The following MEDAG variants were observed in gnomAD, a reference collection of about 807,000 sequenced individuals.
The protein encoded by MEDAG is mesenteric estrogen-dependent adipogenesis protein.
Under a neutral mutation model 29.9 loss-of-function variants are expected in MEDAG, and 25 were observed. That is an observed-to-expected ratio of 0.84 (90% confidence interval 0.61 to 1.17). The LOEUF is 1.17. MEDAG is among the 50% of genes most tolerant of loss of function. The pLI is 0.00. For synonymous variants in MEDAG, 158 were observed against 148.2 expected, an observed-to-expected ratio of 1.07 and a Z score of -0.48; for missense variants, 398 against 372.9, an observed-to-expected ratio of 1.07 and a Z score of -0.56.
At chr13:30,917,640 G>A (rs1224421618) in intron 2 of MEDAG, 128 bp downstream of exon 2, 1 of 611,188 alleles carries the variant, frequency 1.6e-6, no homozygotes, top group Non-Finnish European at 2.9e-6. Flanking sequence ...CTTCTGGGGA[G>A]GCCTCAGGAA....
chr13:30,906,350 T>C lies in MEDAG; in HGVS notation c.-166T>C. On this transcript the variant is annotated 5_prime_UTR_variant, in exon 1 of 5. Transcript: ENST00000380482. Reference sequence around the variant, plus strand: ...CCGCCCGGGCGGTCAGACTGGCACCTGAGCGGCCACCGCGTCCCGGCCAGG... The same window carrying C: ...CCGCCCGGGCGGTCAGACTGGCACCCGAGCGGCCACCGCGTCCCGGCCAGG... The C allele has an allele frequency of 1.5e-6, 1 of 655,896 alleles. No individual in the cohort carries two copies. Among genetic ancestry groups the C allele is most frequent in the Non-Finnish European group, 2.2e-6 (1 of 449,936 alleles). The allele number at this position is 655,896 out of a possible 1,614,324, so 40.6% of individuals were successfully genotyped here.
intron 4 of MEDAG, 94 bp from the exon 5 acceptor site, chr13:30,924,217 T>TA: frequency 3.1e-6 from 4 of 1,301,892 alleles, no homozygotes; most frequent in Non-Finnish European, 4.2e-6. Context: ...TATTAATTAT[T>TA]AAAATAGTTA....
At chr13:30,911,409 C>T (rs1042735121) in intron 1 of MEDAG, among the ~76,000 whole-genome samples, 1 of 152,128 alleles carries the variant, frequency 6.6e-6, no homozygotes, top group African/African-American at 2.4e-5. Flanking sequence ...CTTGGGTCTC[C>T]TTTCTACTCT....
intron 1 of MEDAG, among the ~76,000 whole-genome samples, 158 bp downstream of exon 1, chr13:30,906,951 C>T (rs1952837130): frequency 6.6e-6 from 1 of 152,240 alleles, no homozygotes; most frequent in African/African-American, 2.4e-5. Context: ...CTTCTATCAC[C>T]CGGAGCCTGC....
Position 30,924,699 on chromosome 13 carries a change from T to C in MEDAG, c.*264T>C, listed in dbSNP as rs544308466. ...TGGCACTGGGTGGGGCTGGGGGATA[T>C]TCTCTACTTTGAACACTTCTCCAAA... On this transcript the variant is annotated 3_prime_UTR_variant, in exon 5 of 5. Transcript: ENST00000380482. The C allele has an allele frequency of 1.0e-4, 31 of 309,168 alleles. No individual in the cohort carries two copies. Among genetic ancestry groups the C allele is most frequent in the African/African-American group, 6.4e-4 (30 of 46,728 alleles). The allele number at this position is 309,168 out of a possible 1,614,324, so 19.2% of individuals were successfully genotyped here.
Position 30,917,472 on chromosome 13 carries a change from G to C in MEDAG, c.348G>C (p.Leu116Phe). Residue 116 changes from leucine to phenylalanine, a missense_variant, in exon 2 of 5, where the codon TTG (leucine) becomes TTC (phenylalanine). By Grantham distance (22) the Leu-to-Phe change is conservative. Transcript: ENST00000380482. ...AAACTATATTGAGCAAACCAATGTT[G>C]TTCTTTATTAATGTACAGACCAAAA... ...YRETILSKPM[L>F]FFINVQTKKD... The C allele has an allele frequency of 1.2e-6, 2 of 1,611,704 alleles. No individual in the cohort carries two copies. The highest frequency in any genetic ancestry group is 1.1e-5 in the South Asian group (1 of 91,018).
chr13:30,906,863 T>G lies in MEDAG; in HGVS notation c.278+70T>G, dbSNP rs1952836287. ...CAGACGCCTCCACCCGGCTGCGGTC[T>G]CTGGGAGCCTGGGCTGTCCTCGCTG... On this transcript the variant is annotated intron_variant, in intron 1 of 4. Transcript: ENST00000380482. The G allele has an allele frequency of 3.2e-5, 44 of 1,383,288 alleles. No homozygotes were observed. In the South Asian group the frequency reaches 6.7e-4, roughly 21 times the overall value. 85.7% of individuals were successfully genotyped at this position (1,383,288 alleles called of 1,614,324 possible).
intron 2 of MEDAG, among the ~76,000 whole-genome samples, chr13:30,919,450 G>T (rs1260323465): frequency 6.6e-6 from 1 of 152,218 alleles, no homozygotes; most frequent in Non-Finnish European, 1.5e-5. Context: ...CAACTGTGGA[G>T]TGTTGTGGCC....
rs1593511489 is a variant in MEDAG at position 30,921,750 on chromosome 13, A to G, written c.691A>G (p.Lys231Glu). The part of the protein sequence containing the change: ...VLNLSSTSPE[K>E]KETIKLFLEK... ...GAATTTGTCAAGTACAAGTCCAGAA[A>G]AGAAGGAGACGATTAAGTTATTTCT... Residue 231 changes from lysine to glutamate, a missense_variant, in exon 4 of 5, where the codon AAG (lysine) becomes GAG (glutamate). By Grantham distance (56) the Lys-to-Glu change is moderately conservative. Coordinates refer to ENST00000380482, the MANE Select transcript of MEDAG (RefSeq NM_032849.4). 6.2e-7 allele frequency: 1 copy of G among 1,613,998 alleles called. No individual in the cohort carries two copies. The highest frequency in any genetic ancestry group is 8.5e-7 in the Non-Finnish European group (1 of 1,179,982).
chr13:30,911,938 C>A (rs1197895081), intron 1 of MEDAG, among the ~76,000 whole-genome samples: 1 of 152,170 alleles, frequency 6.6e-6, no homozygotes, highest in Non-Finnish European at 1.5e-5. Context: ...GAAGGTTATA[C>A]ATTCATCATT....
At chr13:30,907,524 C>T (rs935458063) in intron 1 of MEDAG, among the ~76,000 whole-genome samples, 3 of 152,168 alleles carry the variant, frequency 2.0e-5, no homozygotes, top group East Asian at 1.9e-4. Context: ...CTTGGCAGAC[C>T]GGCAGGATGT....
At chr13:30,922,539 C>G (rs2138129282) in intron 4 of MEDAG, 1 of 152,342 alleles carries the variant, frequency 6.6e-6, no homozygotes, top group African/African-American at 2.4e-5. Flanking sequence ...CAGGTGTGAG[C>G]CACCGGGCCC....
rs1952991875 is a variant in MEDAG, at chr13:30,921,973, T to A, written c.787+127T>A. 70 of 1,061,668 alleles carry A rather than the reference T, an allele frequency of 6.6e-5. 2 individuals are homozygous for A. In the South Asian group the frequency reaches 1.2e-3, roughly 18 times the overall value. The allele number at this position is 1,061,668 out of a possible 1,614,324, so 65.8% of individuals were successfully genotyped here. A position where few individuals can be genotyped will look rare whatever the true frequency, so the allele number is the denominator to read the frequency against. The stretch of plus-strand genomic sequence containing the variant: ...ATGAAAGGGAAATAGATCACAAAAT[T>A]CAGAAAGTAAGAAGTGGGGCATGTT... On this transcript the variant is annotated intron_variant, in intron 4 of 4. Coordinates refer to ENST00000380482, the MANE Select transcript of MEDAG (RefSeq NM_032849.4).
At chr13:30,911,348 C>T (rs991688536) in intron 1 of MEDAG, among the ~76,000 whole-genome samples, 3 of 152,072 alleles carry the variant, frequency 2.0e-5, no homozygotes, top group Non-Finnish European at 4.4e-5. Flanking sequence ...GCCACCTGAC[C>T]ATCTTTCCTG....
intron 1 of MEDAG, among the ~76,000 whole-genome samples, chr13:30,907,799 T>TA (rs1432924239): frequency 1.3e-5 from 2 of 152,164 alleles, no homozygotes; most frequent in Non-Finnish European, 2.9e-5. Context: ...ACCCTGTGGG[T>TA]AGGAGGGAGC....
intron 1 of MEDAG, among the ~76,000 whole-genome samples, chr13:30,910,334 A>G (rs1371031158): frequency 1.3e-5 from 2 of 152,222 alleles, no homozygotes; most frequent in Non-Finnish European, 2.9e-5. Flanking sequence ...TGCCTGGAGA[A>G]TAAAAATAAA....
intron 3 of MEDAG, 22 bp from the exon 4 acceptor site, chr13:30,921,539 G>GCAAT: frequency 6.3e-7 from 1 of 1,580,572 alleles, no homozygotes; most frequent in Non-Finnish European, 8.6e-7. Context: ...TTAAGTCAAT[G>GCAAT]CAATGTTCCT....
Position 30,924,651 on chromosome 13 carries a change from A to G in MEDAG, c.*216A>G, listed in dbSNP as rs187467235. On this transcript the variant is annotated 3_prime_UTR_variant, in exon 5 of 5. Coordinates refer to ENST00000380482, the MANE Select transcript of MEDAG (RefSeq NM_032849.4). ...GATTCCCCTAAAACTTATGATTACC[A>G]GGATGGAAAGGCCTTGGTCCCATGG... 43 of 421,680 alleles carry G rather than the reference A, an allele frequency of 1.0e-4. 1 individual carries two copies. Among genetic ancestry groups the G allele is most frequent in the Non-Finnish European group, 4.2e-6 (1 of 239,684 alleles). The allele number at this position is 421,680 out of a possible 1,614,324, so 26.1% of individuals were successfully genotyped here.
intron 1 of MEDAG, among the ~76,000 whole-genome samples, chr13:30,915,887 T>A (rs911374561): frequency 6.6e-6 from 1 of 152,038 alleles, no homozygotes; most frequent in South Asian, 2.1e-4. Flanking sequence ...ACCCACTCCG[T>A]GAGCATCAAC....
Sources: allele counts gnomAD v4.1 joint callset (sites outside exome capture counted in the v4.1 genomes callset), GRCh38; gene constraint gnomAD v4.1.1; transcripts MANE v1.5; gene names NCBI Gene and HGNC (gene_info 2026-07-23, HGNC 2026-07-21).